Variants in CCSER1 observed in about 807,000 individuals in gnomAD.
CCSER1 encodes the protein serine-rich coiled-coil domain-containing protein 1.
CCSER1 carries 41 observed loss-of-function variants against 82.0 expected under a neutral mutation model. That is an observed-to-expected ratio of 0.50 (90% CI 0.39 to 0.65). The LOEUF is 0.65. CCSER1 is among the 30% of genes least tolerant of loss of function. The pLI is 0.00. For synonymous variants in CCSER1, 414 were observed against 383.9 expected (o/e 1.08, Z -0.92); for missense variants, 1,119 against 1,064.2 (o/e 1.05, Z -0.72).
intron 5 of CCSER1, among the ~76,000 whole-genome samples, chr4:90,505,883 C>T (rs79724044): frequency 0.016 from 2,376 of 152,240 alleles, 39 homozygotes; most frequent in African/African-American, 0.046. Context: ...AACAATCCTG[C>T]TGAATTCCTA....
At chr4:91,522,147 A>G (rs1251548716) in intron 10 of CCSER1, among the ~76,000 whole-genome samples, 1 of 152,168 alleles carries the variant, frequency 6.6e-6, no homozygotes, top group African/African-American at 2.4e-5. Flanking sequence ...TCCTTTCACC[A>G]TTTCTTGTTT....
intron 5 of CCSER1, among the ~76,000 whole-genome samples, chr4:90,588,120 T>C (rs1312150722): frequency 1.3e-5 from 2 of 152,236 alleles, no homozygotes; most frequent in African/African-American, 2.4e-5. Context: ...TCGATGTTGC[T>C]GGCCACTGAC....
intron 10 of CCSER1, among the ~76,000 whole-genome samples, chr4:91,384,557 T>C (rs1468925541): frequency 6.6e-6 from 1 of 151,976 alleles, no homozygotes; most frequent in Admixed American, 6.6e-5. Flanking sequence ...ACTCACATTA[T>C]GTGCAAGAAT....
intron 1 of CCSER1, among the ~76,000 whole-genome samples, chr4:90,137,177 CTTAAAAA>C (rs1400547810): frequency 2.0e-5 from 3 of 152,080 alleles, no homozygotes; most frequent in African/African-American, 7.2e-5. Flanking sequence ...TAATGTAAAT[CTTAAAAA>C]TTAAAGTACA....
At chr4:90,764,213 C>T (rs1489159117) in intron 7 of CCSER1, among the ~76,000 whole-genome samples, 1 of 152,054 alleles carries the variant, frequency 6.6e-6, no homozygotes, top group Non-Finnish European at 1.5e-5. Flanking sequence ...TGAGAGCAAG[C>T]TTGCACTTAA....
intron 1 of CCSER1, among the ~76,000 whole-genome samples, chr4:90,299,238 T>G (rs1732621994): frequency 6.6e-6 from 1 of 152,130 alleles, no homozygotes; most frequent in Admixed American, 6.6e-5. Flanking sequence ...CTCTTTCTCT[T>G]TTTATCTGGG....
At chr4:90,512,331 T>C (rs1436607340) in intron 5 of CCSER1, among the ~76,000 whole-genome samples, 1 of 151,582 alleles carries the variant, frequency 6.6e-6, no homozygotes, top group African/African-American at 2.4e-5. Flanking sequence ...AAAAAAACAG[T>C]ATCAGGAACA....
At chr4:91,171,181 A>C (rs1581700772) in intron 10 of CCSER1, among the ~76,000 whole-genome samples, 1 of 152,206 alleles carries the variant, frequency 6.6e-6, no homozygotes, top group African/African-American at 2.4e-5. Context: ...AAGAAACTCT[A>C]AATATGGACA....
intron 8 of CCSER1, among the ~76,000 whole-genome samples, chr4:90,897,813 G>C (rs914407996): frequency 2.6e-5 from 4 of 151,932 alleles, no homozygotes; most frequent in Non-Finnish European, 5.9e-5. Flanking sequence ...TTTAATAAAA[G>C]CCATTCTGAC....
At chr4:90,222,886 T>C (rs1241792224) in intron 1 of CCSER1, among the ~76,000 whole-genome samples, 1 of 152,206 alleles carries the variant, frequency 6.6e-6, no homozygotes, top group Non-Finnish European at 1.5e-5. Context: ...TGCAAAATTA[T>C]AGTACAGTAT....
intron 5 of CCSER1, among the ~76,000 whole-genome samples, chr4:90,606,791 C>T (rs1379666097): frequency 6.6e-6 from 1 of 152,016 alleles, no homozygotes; most frequent in Non-Finnish European, 1.5e-5. Flanking sequence ...CTGAGATAGC[C>T]CAGGGGCATC....
intron 1 of CCSER1, among the ~76,000 whole-genome samples, chr4:90,257,033 G>A (rs1052662449): frequency 1.4e-5 from 2 of 145,962 alleles, no homozygotes; most frequent in Middle Eastern, 3.2e-3. Context: ...CATCCACTGC[G>A]GGGGGGTCTT....
At chr4:90,551,706 C>CTCTCTCTCTCTATATATATATATATATA in intron 5 of CCSER1, among the ~76,000 whole-genome samples, 10 of 104,236 alleles carry the variant, frequency 9.6e-5, no homozygotes, top group African/African-American at 4.1e-4. Flanking sequence ...CTCTCTCTCT[C>CTCTCTCTCTCTATATATATATATATATA]TATATATATA....
chr4:90,898,269 CTTTTTTTT>C (rs70963094), intron 8 of CCSER1, among the ~76,000 whole-genome samples: 1,250 of 52,348 alleles, frequency 0.024, 11 homozygotes, highest in Non-Finnish European at 0.04. Context: ...TTTAATCCAT[CTTTTTTTT>C]TTTTTTTTTT....
At chr4:90,916,349 A>G (rs960870897) in intron 8 of CCSER1, among the ~76,000 whole-genome samples, 2 of 152,202 alleles carry the variant, frequency 1.3e-5, no homozygotes, top group African/African-American at 4.8e-5. Flanking sequence ...GAGCCCTCAG[A>G]TATAATGCCA....
intron 10 of CCSER1, among the ~76,000 whole-genome samples, chr4:91,386,417 A>G (rs1463720583): frequency 1.3e-5 from 2 of 152,074 alleles, no homozygotes; most frequent in Non-Finnish European, 2.9e-5. Flanking sequence ...TGGATTATTT[A>G]ATTGAATAAA....
At chr4:91,057,613 C>T (rs1381423717) in intron 9 of CCSER1, among the ~76,000 whole-genome samples, 4 of 152,090 alleles carry the variant, frequency 2.6e-5, no homozygotes, top group African/African-American at 4.8e-5. Flanking sequence ...GCTGCTCTTT[C>T]GTTAATGTTT....
At chr4:90,394,219 G>A (rs1192023419) in intron 3 of CCSER1, among the ~76,000 whole-genome samples, 1 of 150,002 alleles carries the variant, frequency 6.7e-6, no homozygotes, top group African/African-American at 2.5e-5. Context: ...AATCATATTT[G>A]ATTTACTTAT....
At chr4:90,956,126 A>G (rs1470924618) in intron 9 of CCSER1, among the ~76,000 whole-genome samples, 1 of 152,192 alleles carries the variant, frequency 6.6e-6, no homozygotes, top group Non-Finnish European at 1.5e-5. Context: ...TAAAGTGGGT[A>G]AAATTAATTT....
Sources: allele counts gnomAD v4.1 joint callset (sites outside exome capture counted in the v4.1 genomes callset), GRCh38; gene constraint gnomAD v4.1.1; transcripts MANE v1.5; gene names NCBI Gene and HGNC (gene_info 2026-07-23, HGNC 2026-07-21).